Variants in BRINP3 observed in about 807,000 individuals in gnomAD.
BRINP3 encodes the protein BMP/retinoic acid inducible neural specific 3, also known as BMP/retinoic acid-inducible neural-specific protein 3.
A neutral mutation model predicts 71.0 loss-of-function variants in BRINP3; 19 were observed. The ratio of observed to expected loss-of-function variants is 0.27; its 90% CI spans 0.19 to 0.39. BRINP3 has a LOEUF of 0.39. Among genes scored for constraint, BRINP3 ranks in the 10% least tolerant of loss-of-function variants. The pLI is 1.00. For missense variants in BRINP3, 959 were observed against 940.8 expected, an observed-to-expected ratio of 1.02 and a Z score of -0.25; for synonymous variants, 380 against 337.7, an observed-to-expected ratio of 1.13 and a Z score of -1.37.
chr1:190,459,823 A>T (rs1676262911), intron 1 of BRINP3, among the ~76,000 whole-genome samples: 1 of 152,072 alleles, frequency 6.6e-6, no homozygotes, highest in African/African-American at 2.4e-5. Flanking sequence ...ATTTTGAATA[A>T]TGTAGAACCC....
At chr1:190,438,359 T>C (rs976711450) in intron 2 of BRINP3, among the ~76,000 whole-genome samples, 1 of 151,786 alleles carries the variant, frequency 6.6e-6, no homozygotes, top group Non-Finnish European at 1.5e-5. Context: ...AAAATAACAC[T>C]ATCAACAGTT....
At chr1:190,108,692 A>T (rs1198812983) in intron 7 of BRINP3, among the ~76,000 whole-genome samples, 1 of 150,740 alleles carries the variant, frequency 6.6e-6, no homozygotes, top group African/African-American at 2.5e-5. Context: ...TCTCACATCT[A>T]CATAGAAAAC....
Position 190,472,571 on chromosome 1 carries a change from T to C in BRINP3, c.-51+4877A>G, listed in dbSNP as rs76732582. Reference sequence around the variant, plus strand: ...GCAATTTGCTAAATTACAAAATGTTTCAGACTCTTATTCTAGTAAATAACT... The same window carrying C: ...GCAATTTGCTAAATTACAAAATGTTCCAGACTCTTATTCTAGTAAATAACT... On this transcript the variant is annotated intron_variant, in intron 1 of 7. Transcript: ENST00000367462. Among the ~76,000 whole-genome samples the C allele has an allele frequency of 1.7e-3, 261 of 151,886 alleles. 1 individual carries two copies. The highest frequency in any genetic ancestry group is 6.1e-3 in the African/African-American group (255 of 41,538).
intron 2 of BRINP3, among the ~76,000 whole-genome samples, chr1:190,289,908 A>T (rs1663731025): frequency 6.6e-6 from 1 of 151,876 alleles, no homozygotes. Context: ...TTCATGTTTC[A>T]TGTAGATGTG....
chr1:190,316,681 A>G lies in BRINP3; in HGVS notation c.237-34931T>C, dbSNP rs560365909. 3.3e-5 allele frequency among the ~76,000 whole-genome samples: 5 copies of G among 152,238 alleles called. No homozygotes were observed. The South Asian group carries it at 1.0e-3, about 32-fold the overall frequency. On this transcript the variant is annotated intron_variant, in intron 2 of 7. Transcript: ENST00000367462. Reference sequence around the variant, plus strand: ...GGTTGCAGAGACCTGTGGGACCTCTAAAATCTCAAATCCATTTCAATTCTA... The same window carrying G: ...GGTTGCAGAGACCTGTGGGACCTCTGAAATCTCAAATCCATTTCAATTCTA...
intron 2 of BRINP3, among the ~76,000 whole-genome samples, chr1:190,307,276 T>G (rs946570360): frequency 6.5e-4 from 84 of 129,282 alleles, no homozygotes; most frequent in African/African-American, 1.6e-3. Context: ...TTTTTTTTTT[T>G]TTTTTTTTTT....
intron 2 of BRINP3, among the ~76,000 whole-genome samples, chr1:190,296,673 A>T (rs1664276841): frequency 6.6e-6 from 1 of 151,996 alleles, no homozygotes; most frequent in Admixed American, 6.6e-5. Flanking sequence ...AACCCTAAAG[A>T]CTCCACTAAA....
chr1:190,335,952 T>C (rs914128957), intron 2 of BRINP3, among the ~76,000 whole-genome samples: 2 of 151,928 alleles, frequency 1.3e-5, no homozygotes, highest in Non-Finnish European at 2.9e-5. Context: ...TCCCCAACAG[T>C]AAAAAGATTA....
In BRINP3 at chr1:190,214,460, G is replaced by A. The variant is rs1055014996; in HGVS notation, c.961+11622C>T. 5.3e-5 allele frequency among the ~76,000 whole-genome samples: 8 copies of A among 151,980 alleles called. No individual in the cohort carries two copies. In the South Asian group the frequency reaches 1.7e-3, roughly 31 times the overall value. On this transcript the variant is annotated intron_variant, in intron 6 of 7. Coordinates refer to ENST00000367462, the MANE Select transcript of BRINP3 (RefSeq NM_199051.3). ...GGAAGAGAAGTAAACTGAATATCTT[G>A]TGATTTAGAACAGTGCACTGTAGAG...
At chr1:190,219,879 G>A (rs556792235) in intron 6 of BRINP3, among the ~76,000 whole-genome samples, 39 of 150,530 alleles carry the variant, frequency 2.6e-4, no homozygotes, top group African/African-American at 6.8e-4. Context: ...TTTAAAAAAA[G>A]GGAAATACAC....
At chr1:190,248,092 C>A (rs1280031220) in intron 4 of BRINP3, among the ~76,000 whole-genome samples, 3 of 151,806 alleles carry the variant, frequency 2.0e-5, no homozygotes, top group Non-Finnish European at 4.4e-5. Context: ...AATATCCTTC[C>A]TATCAACTTA....
At chr1:190,133,629 T>A (rs1235524982) in intron 7 of BRINP3, among the ~76,000 whole-genome samples, 1 of 152,082 alleles carries the variant, frequency 6.6e-6, no homozygotes, top group Non-Finnish European at 1.5e-5. Flanking sequence ...AATGGATGCA[T>A]CTTAAAAACA....
intron 2 of BRINP3, among the ~76,000 whole-genome samples, chr1:190,316,959 G>A (rs1435401914): frequency 6.6e-6 from 1 of 151,850 alleles, no homozygotes; most frequent in Non-Finnish European, 1.5e-5. Flanking sequence ...GATCACCTGA[G>A]GTCAGGAGTT....
At chr1:190,269,171 G>T (rs541903224) in intron 3 of BRINP3, among the ~76,000 whole-genome samples, 4 of 152,028 alleles carry the variant, frequency 2.6e-5, no homozygotes, top group Admixed American at 6.6e-5. Flanking sequence ...TGGAAACTTC[G>T]CATGTAATAA....
chr1:190,292,484 A>G (rs1181413681), intron 2 of BRINP3, among the ~76,000 whole-genome samples: 1 of 152,048 alleles, frequency 6.6e-6, no homozygotes, highest in Non-Finnish European at 1.5e-5. Context: ...CTTGCTCTCT[A>G]CAAAAAAATA....
At chr1:190,283,465 T>C (rs186147387) in intron 2 of BRINP3, among the ~76,000 whole-genome samples, 1 of 151,926 alleles carries the variant, frequency 6.6e-6, no homozygotes, top group East Asian at 1.9e-4. Context: ...TTTCAGTAAA[T>C]ATAGGGCTTT....
Position 190,226,270 on chromosome 1 carries a change from G to C in BRINP3, c.773C>G (p.Ala258Gly). 6.2e-7 allele frequency: 1 copy of C among 1,610,722 alleles called. No individual in the cohort carries two copies. Among genetic ancestry groups the C allele is most frequent in the East Asian group, 2.2e-5 (1 of 44,662 alleles). ...ATTGCAAGCAATGTAGCTCAAAGCT[G>C]CTTGTACAAAACGTTCCTGAAGATA... is the stretch of plus-strand genomic sequence containing the variant. ...PDYLQERFVQ[A>G]ALSYIACNSE... The change falls in exon 6 of 8, where the codon GCA (alanine) becomes GGA (glycine). Residue 258 changes from alanine (A) to glycine (G), a missense_variant. By Grantham distance (60) the Ala-to-Gly change is moderately conservative (BLOSUM62 0). Coordinates refer to ENST00000367462, the MANE Select transcript of BRINP3 (RefSeq NM_199051.3).
intron 2 of BRINP3, among the ~76,000 whole-genome samples, chr1:190,331,288 G>A (rs911339828): frequency 6.6e-6 from 1 of 151,818 alleles, no homozygotes; most frequent in Non-Finnish European, 1.5e-5. Context: ...AGCTTTTCCT[G>A]GTTGAACAAT....
chr1:190,135,811 C>T (rs74420925), intron 7 of BRINP3, among the ~76,000 whole-genome samples: 127 of 152,020 alleles, frequency 8.4e-4, no homozygotes, highest in East Asian at 4.3e-3. Context: ...CTACAACATA[C>T]GTAAAAAGGC....
Sources: allele counts gnomAD v4.1 joint callset (sites outside exome capture counted in the v4.1 genomes callset), GRCh38; gene constraint gnomAD v4.1.1; transcripts MANE v1.5; gene names NCBI Gene and HGNC (gene_info 2026-07-23, HGNC 2026-07-21).